The following ELF1 variants were observed in gnomAD, a reference collection of about 807,000 sequenced individuals.
ELF1 encodes ETS-related transcription factor Elf-1.
In ELF1, 24 loss-of-function variants were observed where a neutral mutation model predicts 59.9. The ratio of observed to expected loss-of-function variants is 0.40; its 90% CI spans 0.29 to 0.56. The LOEUF (loss-of-function observed/expected upper bound fraction) is 0.56, where lower values mean the gene tolerates loss of function less well. Ranked by LOEUF, ELF1 falls within the 20% of genes least tolerant of loss-of-function variation. The pLI is 0.44. For missense variants in ELF1, 627 were observed against 742.2 expected (o/e 0.84, Z 1.80); for synonymous variants, 248 against 266.2 (o/e 0.93, Z 0.67).
At chr13:40,975,687 T>G (rs1872863091) in intron 2 of ELF1, among the ~76,000 whole-genome samples, 1 of 152,070 alleles carries the variant, frequency 6.6e-6, no homozygotes, top group South Asian at 2.1e-4. Context: ...CCTGGGAAAA[T>G]GTATTCTGTG....
At chr13:40,937,338 G>A (rs766544689) in intron 8 of ELF1, among the ~76,000 whole-genome samples, 2 of 152,206 alleles carry the variant, frequency 1.3e-5, no homozygotes, top group Non-Finnish European at 2.9e-5. Context: ...ATCTACTCAG[G>A]TGTCAGGTGT....
chr13:40,998,003 C>T (rs112728868), intron 1 of ELF1, among the ~76,000 whole-genome samples: 6 of 152,040 alleles, frequency 3.9e-5, no homozygotes, highest in East Asian at 3.9e-4. Flanking sequence ...TAAAAAAATT[C>T]GCTGGGTGTG....
intron 1 of ELF1, among the ~76,000 whole-genome samples, chr13:41,004,565 A>G (rs761576551): frequency 2.6e-5 from 4 of 152,132 alleles, no homozygotes; most frequent in Non-Finnish European, 4.4e-5. Flanking sequence ...ATAACTTTCC[A>G]TTTCATCTTT....
At chr13:40,954,384 GA>G (rs1209086474) in intron 3 of ELF1, among the ~76,000 whole-genome samples, 2 of 152,096 alleles carry the variant, frequency 1.3e-5, no homozygotes, top group African/African-American at 4.8e-5. Flanking sequence ...GACAGTGAAT[GA>G]GTTCTCATGA....
At chr13:41,024,427 G>A (rs1422748311) in intron 1 of ELF1, among the ~76,000 whole-genome samples, 2 of 152,090 alleles carry the variant, frequency 1.3e-5, no homozygotes, top group Non-Finnish European at 2.9e-5. Flanking sequence ...CCTCCCAGGC[G>A]ATCCTCCCAC....
At chr13:40,936,991 T>G (rs964098539) in intron 8 of ELF1, among the ~76,000 whole-genome samples, 2 of 152,118 alleles carry the variant, frequency 1.3e-5, no homozygotes, top group Non-Finnish European at 2.9e-5. Context: ...CTGACTGCCA[T>G]CTGTCAGAAA....
chr13:40,969,559 T>C (rs1872398364), intron 2 of ELF1, among the ~76,000 whole-genome samples: 1 of 152,256 alleles, frequency 6.6e-6, no homozygotes, highest in Non-Finnish European at 1.5e-5. Flanking sequence ...TAAGTGTTCA[T>C]TAATTATTAA....
At chr13:40,964,786 C>T (rs778040572) in intron 2 of ELF1, among the ~76,000 whole-genome samples, 1 of 152,144 alleles carries the variant, frequency 6.6e-6, no homozygotes, top group African/African-American at 2.4e-5. Flanking sequence ...CCACCCAACT[C>T]GGCCTCCCAT....
chr13:41,036,066 G>C (rs374953449), intron 1 of ELF1, among the ~76,000 whole-genome samples: 1 of 151,658 alleles, frequency 6.6e-6, no homozygotes, highest in South Asian at 2.1e-4. Context: ...CACCACGCCC[G>C]GCTAATTTTT....
chr13:40,949,774 AC>A, intron 5 of ELF1, 31 bp downstream of exon 5: 1 of 1,609,370 alleles, frequency 6.2e-7, no homozygotes, highest in Non-Finnish European at 8.5e-7. Context: ...CCAAGACTTG[AC>A]TATGCGCCCT....
intron 1 of ELF1, among the ~76,000 whole-genome samples, chr13:41,042,473 A>G (rs745623470): frequency 5.3e-5 from 8 of 151,918 alleles, no homozygotes; most frequent in Admixed American, 3.3e-4. Flanking sequence ...CCGACCCCAC[A>G]ATAGGCCCCA....
chr13:41,041,270 A>AC (rs953792497), intron 1 of ELF1, among the ~76,000 whole-genome samples: 3 of 151,978 alleles, frequency 2.0e-5, no homozygotes, highest in African/African-American at 7.2e-5. Flanking sequence ...CAAAAAAAAA[A>AC]AAAAAAAAAC....
chr13:41,057,567 C>T (rs1400262762), intron 1 of ELF1, among the ~76,000 whole-genome samples: 1 of 152,042 alleles, frequency 6.6e-6, no homozygotes, highest in African/African-American at 2.4e-5. Flanking sequence ...CCACGCCTGG[C>T]TAATTTTTTG....
chr13:40,962,152 A>G (rs1428285320), intron 2 of ELF1, among the ~76,000 whole-genome samples: 1 of 152,184 alleles, frequency 6.6e-6, no homozygotes. Flanking sequence ...TGCCCTTCCC[A>G]GAGGCAATCA....
intron 1 of ELF1, among the ~76,000 whole-genome samples, chr13:41,017,499 T>C (rs1165379965): frequency 6.6e-6 from 1 of 152,190 alleles, no homozygotes; most frequent in Non-Finnish European, 1.5e-5. Flanking sequence ...AGTTCAAACT[T>C]ACATTCAATC....
intron 1 of ELF1, among the ~76,000 whole-genome samples, chr13:41,006,837 A>C (rs1874788494): frequency 6.6e-6 from 1 of 152,184 alleles, no homozygotes; most frequent in South Asian, 2.1e-4. Context: ...TAAAATCTTA[A>C]TGGTATTTTT....
chr13:40,996,692 T>G (rs1488079928), intron 1 of ELF1, among the ~76,000 whole-genome samples: 1 of 152,190 alleles, frequency 6.6e-6, no homozygotes, highest in Non-Finnish European at 1.5e-5. Context: ...GGGGAGGCTA[T>G]GCATGTGCAG....
chr13:40,968,231 T>C (rs931414209), intron 2 of ELF1, among the ~76,000 whole-genome samples: 1 of 152,190 alleles, frequency 6.6e-6, no homozygotes, highest in Non-Finnish European at 1.5e-5. Flanking sequence ...TTCAAAATAC[T>C]ATGATGGTAT....
intron 1 of ELF1, among the ~76,000 whole-genome samples, chr13:41,039,806 T>C (rs1876532957): frequency 6.6e-6 from 1 of 152,200 alleles, no homozygotes; most frequent in Non-Finnish European, 1.5e-5. Context: ...AACTTTGCTG[T>C]GTGTTTTAAA....
Sources: allele counts gnomAD v4.1 joint callset (sites outside exome capture counted in the v4.1 genomes callset), GRCh38; gene constraint gnomAD v4.1.1; transcripts MANE v1.5; gene names NCBI Gene and HGNC (gene_info 2026-07-23, HGNC 2026-07-21).